The following TBX5 variants were observed in gnomAD, a reference collection of about 807,000 sequenced individuals.
TBX5 encodes T-box transcription factor 5.
TBX5 carries 8 observed loss-of-function variants against 51.1 expected under a neutral mutation model. The ratio of observed to expected loss-of-function variants is 0.16; its 90% confidence interval spans 0.09 to 0.28. The LOEUF (loss-of-function observed/expected upper bound fraction) is 0.28, where lower values mean the gene tolerates loss of function less well. Among genes scored for constraint, TBX5 ranks in the 10% least tolerant of loss-of-function variants. TBX5 has a pLI of 1.00. For missense variants in TBX5, 589 were observed against 671.7 expected, an observed-to-expected ratio of 0.88 and a Z score of 1.36; for synonymous variants, 302 against 266.4, an observed-to-expected ratio of 1.13 and a Z score of -1.30.
chr12:114,394,687 T>A, intron 6 of TBX5, 54 bp downstream of exon 6: 1 of 1,612,578 alleles, frequency 6.2e-7, no homozygotes, highest in East Asian at 2.2e-5. Flanking sequence ...TGCAGATTCA[T>A]GCAAAAGAAA....
At chr12:114,381,032 T>C (rs1158084804) in intron 7 of TBX5, among the ~76,000 whole-genome samples, 1 of 152,134 alleles carries the variant, frequency 6.6e-6, no homozygotes, top group Non-Finnish European at 1.5e-5. Context: ...TGCTTTCCCA[T>C]AGCTCCCAAA....
chr12:114,363,490 G>A (rs888864300), intron 8 of TBX5, among the ~76,000 whole-genome samples: 3 of 152,198 alleles, frequency 2.0e-5, no homozygotes, highest in Admixed American at 2.0e-4. Context: ...CTTCCTGCCT[G>A]TCTTTTGGTC....
At position 114,359,421 on chromosome 12, in the gene TBX5, C is replaced by A. The variant is rs1164739299; in HGVS notation, c.983-3315G>T. ...CTGTTCAACAGCAAAGACCTATCTC[C>A]AGCCAAGTCATGATTAACTTTCAGG... On this transcript the variant is annotated intron_variant, in intron 8 of 8. Transcript: ENST00000405440. 2.6e-5 allele frequency among the ~76,000 whole-genome samples: 4 copies of A among 152,166 alleles called. No individual in the cohort carries two copies. In the South Asian group the frequency reaches 8.3e-4, roughly 32 times the overall value.
In TBX5 at chr12:114,355,920, A is replaced by G. The variant is rs1473089252; in HGVS notation, c.1169T>C (p.Val390Ala). ...GCAGCTGATGTCCTCTAGGCTGGGC[A>G]CAGGCTCGCTGGGGGGCGCAGAGCT... ...YASSAPPSEP[V>A]PSLEDISCNT... is the part of the protein sequence containing the mutation. The change falls in exon 9 of 9, where the codon GTG (valine) becomes GCG (alanine). Residue 390 changes from valine (V) to alanine (A), a missense_variant. Around this residue, in one of 7 missense-constraint regions of TBX5, gnomAD observed 348 missense variants for 360.4 expected, o/e 0.97. Transcript: ENST00000405440. The G allele has an allele frequency of 1.2e-6, 2 of 1,613,836 alleles. No individual in the cohort carries two copies. The highest frequency in any genetic ancestry group is 1.7e-6 in the Non-Finnish European group (2 of 1,180,038).
chr12:114,354,206 AAAAAAAAC>A lies in TBX5; in HGVS notation c.*1318_*1325del, dbSNP rs776263824. 6.6e-5 allele frequency: 10 copies of A among 152,644 alleles called. No individual in the cohort carries two copies. The highest frequency in any genetic ancestry group is 8.8e-5 in the Non-Finnish European group (6 of 68,002). 9.5% of individuals were successfully genotyped at this position (152,644 alleles called of 1,614,324 possible). On this transcript the variant is annotated 3_prime_UTR_variant, in exon 9 of 9. Coordinates refer to ENST00000405440, the MANE Select transcript of TBX5 (RefSeq NM_181486.4). The stretch of plus-strand genomic sequence containing the variant: ...GCACATTCGAAAGAGGAAAAAAACA[AAAAAAAAC>A]AAAAAAACACAAACTTGGTTTTGAG...
At chr12:114,405,542 C>T (rs1377619692) in intron 1 of TBX5, 86 bp downstream of exon 1, 3 of 218,578 alleles carry the variant, frequency 1.4e-5, no homozygotes, top group African/African-American at 7.0e-5. Flanking sequence ...CAAAGCCGGG[C>T]TGGAATCCGC....
At chr12:114,394,635 A>T in intron 6 of TBX5, 106 bp downstream of exon 6, 8 of 1,509,002 alleles carry the variant, frequency 5.3e-6, no homozygotes, top group Non-Finnish European at 5.5e-6. Flanking sequence ...GAAGTTGGTG[A>T]CTGCTGCCAT....
intron 6 of TBX5, among the ~76,000 whole-genome samples, chr12:114,387,108 A>G (rs565622099): frequency 3.3e-5 from 5 of 150,396 alleles, no homozygotes; most frequent in Admixed American, 3.3e-4. Flanking sequence ...TCCGTCTCAA[A>G]AAAAAAACAA....
intron 5 of TBX5, 138 bp downstream of exon 5, chr12:114,398,435 G>T: frequency 7.9e-7 from 1 of 1,272,532 alleles, no homozygotes; most frequent in Non-Finnish European, 1.1e-6. Context: ...GGCAGAAAGC[G>T]ACGAAAGTGG....
rs562012943 is a variant in TBX5, at chr12:114,401,799, C to T, written c.242+27G>A. On this transcript the variant is annotated intron_variant, in intron 3 of 8. Transcript: ENST00000405440. ...CCTCTCCCACAATTTCTCCTCGTCC[C>T]TCTCTCTACACAACAAACCATCTCA... 37 of 1,610,128 alleles carry T rather than the reference C, an allele frequency of 2.3e-5. No homozygotes were observed. In the South Asian group the frequency reaches 3.5e-4, roughly 15 times the overall value.
At chr12:114,394,534 G>A (rs575751063) in intron 6 of TBX5, among the ~76,000 whole-genome samples, 1 of 152,188 alleles carries the variant, frequency 6.6e-6, no homozygotes. Flanking sequence ...CATATGTGTG[G>A]TGGTGACTGT....
At chr12:114,385,136 C>T (rs995145758) in intron 7 of TBX5, among the ~76,000 whole-genome samples, 2 of 149,738 alleles carry the variant, frequency 1.3e-5, no homozygotes, top group Non-Finnish European at 3.0e-5. Flanking sequence ...TCGGCTGTGA[C>T]TTATGGGAAG....
At position 114,355,602 on chromosome 12, in the gene TBX5, G is replaced by C; in HGVS notation, c.1487C>G (p.Thr496Ser). Residue 496 changes from threonine (T) to serine (S), a missense_variant, in exon 9 of 9, where the codon ACT becomes AGT. Around this residue, in one of 7 missense-constraint regions of TBX5, gnomAD observed 348 missense variants for 360.4 expected, o/e 0.97. Transcript: ENST00000405440. ...AGAGTGGTACTGATGAGGGGATAGA[G>C]TCCTTGGCACGCCATGAGAGTAGAG... ...EFLYSHGVPRTLSPHQYHSVH... is the reference protein window; with the variant it reads ...EFLYSHGVPRSLSPHQYHSVH... 1 of 1,614,208 alleles carries C rather than the reference G, an allele frequency of 6.2e-7. No individual in the cohort carries two copies. The highest frequency in any genetic ancestry group is 2.2e-5 in the East Asian group (1 of 44,874).
At chr12:114,401,365 C>T (rs1871800764) in intron 3 of TBX5, among the ~76,000 whole-genome samples, 1 of 152,162 alleles carries the variant, frequency 6.6e-6, no homozygotes, top group Non-Finnish European at 1.5e-5. Context: ...ACCCTGGAGC[C>T]ACTCCAAGGT....
At position 114,355,303 on chromosome 12, in the gene TBX5, T is replaced by G; in HGVS notation, c.*229A>C. 1 of 640,066 alleles carries G rather than the reference T, an allele frequency of 1.6e-6. No homozygotes were observed. Among genetic ancestry groups the G allele is most frequent in the Non-Finnish European group, 2.8e-6 (1 of 354,202 alleles). 39.6% of individuals were successfully genotyped at this position (640,066 alleles called of 1,614,324 possible). ...GGGGGTGGGACTCATCTTTTTGTGT[T>G]TGTTTTTTTAAGTTTTGAGACAAAA... On this transcript the variant is annotated 3_prime_UTR_variant, in exon 9 of 9. Coordinates refer to ENST00000405440, the MANE Select transcript of TBX5 (RefSeq NM_181486.4).
chr12:114,405,449 C>T (rs736560), intron 1 of TBX5, among the ~76,000 whole-genome samples, 179 bp downstream of exon 1: 10 of 152,182 alleles, frequency 6.6e-5, no homozygotes, highest in African/African-American at 2.4e-4. Context: ...TGCCGCTCCG[C>T]CAGCCGCGGC....
At position 114,366,400 on chromosome 12, in the gene TBX5, G is replaced by A. The variant is rs761537129; in HGVS notation, c.756-9C>T. 3.7e-6 allele frequency: 6 copies of A among 1,613,648 alleles called. No homozygotes were observed. The highest frequency in any genetic ancestry group is 5.1e-6 in the Non-Finnish European group (6 of 1,179,866). Reference sequence around the variant, plus strand: ...CCACGGGATATTCTTTACTGAAAGAGAAAAGATGGGAGATAACGCCTATCA... The same window carrying A: ...CCACGGGATATTCTTTACTGAAAGAAAAAAGATGGGAGATAACGCCTATCA... On this transcript the variant is annotated splice_polypyrimidine_tract_variant and intron_variant, in intron 7 of 8. Coordinates refer to ENST00000405440, the MANE Select transcript of TBX5 (RefSeq NM_181486.4).
intron 7 of TBX5, among the ~76,000 whole-genome samples, chr12:114,374,689 G>C (rs1870098238): frequency 6.6e-6 from 1 of 152,162 alleles, no homozygotes; most frequent in Non-Finnish European, 1.5e-5. Context: ...GGGTTTCACA[G>C]GTATGTGCAT....
chr12:114,368,079 A>G (rs1869651913), intron 7 of TBX5, among the ~76,000 whole-genome samples: 1 of 152,226 alleles, frequency 6.6e-6, no homozygotes, highest in Non-Finnish European at 1.5e-5. Flanking sequence ...TCTTTAACTT[A>G]TGACATTTTA....
Sources: gnomAD v4.1 joint callset for allele counts (sites outside exome capture counted in the v4.1 genomes callset) on GRCh38, gnomAD v4.1.1 for gene constraint, gnomAD v4.1.1 regional missense constraint, MANE v1.5 for transcripts, NCBI Gene and HGNC (gene_info 2026-07-23, HGNC 2026-07-21) for gene names.